Variants in CUBN observed in about 807,000 individuals in gnomAD.
CUBN encodes 460 kDa receptor.
Under a neutral mutation model 405.3 loss-of-function variants are expected in CUBN, and 282 were observed. That is an observed-to-expected ratio of 0.70 (90% confidence interval 0.63 to 0.77). The LOEUF is 0.77. Ranked by LOEUF, CUBN falls within the 30% of genes least tolerant of loss-of-function variation. The pLI, the probability that CUBN is intolerant of heterozygous loss-of-function variation, is 0.00. For synonymous variants in CUBN, 1,684 were observed against 1,617.0 expected (o/e 1.04, Z -0.99); for missense variants, 4,514 against 4,475.2 (o/e 1.01, Z -0.25).
At chr10:17,034,019 C>T (rs569033303) in intron 27 of CUBN, among the ~76,000 whole-genome samples, 3 of 152,120 alleles carry the variant, frequency 2.0e-5, no homozygotes, top group Non-Finnish European at 2.9e-5. Flanking sequence ...AAGGAGGATA[C>T]GGGAGTGCAA....
intron 2 of CUBN, among the ~76,000 whole-genome samples, chr10:17,128,173 C>T (rs1395937931): frequency 1.3e-5 from 2 of 152,172 alleles, no homozygotes; most frequent in African/African-American, 4.8e-5. Context: ...TCCTATAATA[C>T]CAGTTTAGGG....
chr10:16,970,573 T>A (rs1843522114), intron 31 of CUBN, among the ~76,000 whole-genome samples: 2 of 79,114 alleles, frequency 2.5e-5, no homozygotes, highest in Admixed American at 1.0e-4. Flanking sequence ...TGAAACTCCA[T>A]CTCAAAAAAA....
chr10:17,102,595 CTTTTTT>C (rs11357524), intron 13 of CUBN, among the ~76,000 whole-genome samples: 3 of 63,118 alleles, frequency 4.8e-5, no homozygotes, highest in Non-Finnish European at 9.0e-5. Context: ...CCTTGTTACT[CTTTTTT>C]TTTTTTTTTT....
intron 62 of CUBN, 143 bp downstream of exon 62, chr10:16,840,187 A>T: frequency 1.4e-6 from 1 of 702,952 alleles, no homozygotes; most frequent in Non-Finnish European, 2.5e-6. Flanking sequence ...ACAAACTTGC[A>T]CATTGTGCGC....
chr10:17,045,098 C>A lies in CUBN; in HGVS notation c.3581G>T (p.Trp1194Leu). The change falls in exon 25 of 67, where the codon TGG becomes TTG. Residue 1194 changes from tryptophan to leucine, a missense_variant. By Grantham distance (61) the Trp-to-Leu change is moderately conservative. Around this residue, in one of 5 missense-constraint regions of CUBN, gnomAD observed 242 missense variants for 309.0 expected, o/e 0.78. Coordinates refer to ENST00000377833, the MANE Select transcript of CUBN (RefSeq NM_001081.4). ...PYYHSSECYW[W>L]LKSSHGSAFE... ...TGCGCTGCCGTGGCTAGATTTCAAC[C>A]ACCAGTAGCATTCAGAGCTGTGGTA... 6.2e-7 allele frequency: 1 copy of A among 1,614,034 alleles called. No homozygotes were observed. The highest frequency in any genetic ancestry group is 8.5e-7 in the Non-Finnish European group (1 of 1,179,994).
At position 17,049,569 on chromosome 10, in the gene CUBN, T is replaced by C. The variant is rs185073338; in HGVS notation, c.3140-1966A>G. Among the ~76,000 whole-genome samples, 103 of 152,318 alleles carry C rather than the reference T, an allele frequency of 6.8e-4. 1 individual carries two copies. Among genetic ancestry groups the C allele is most frequent in the Non-Finnish European group, 1.3e-3 (86 of 68,030 alleles). On this transcript the variant is annotated intron_variant, in intron 22 of 66. Coordinates refer to ENST00000377833, the MANE Select transcript of CUBN (RefSeq NM_001081.4). ...ATGAATGTGATTATTCTGGAACAACTGGTGGGAGTCTGTTAATCTGTACTG... is the reference window on the plus strand; with the variant it reads ...ATGAATGTGATTATTCTGGAACAACCGGTGGGAGTCTGTTAATCTGTACTG...
At chr10:16,919,865 G>A in intron 44 of CUBN, 98 bp downstream of exon 44, 1 of 1,250,628 alleles carries the variant, frequency 8.0e-7, no homozygotes, top group South Asian at 1.3e-5. Context: ...AGATTTCCTT[G>A]CAGTATGTGC....
Position 17,103,226 on chromosome 10 carries a change from A to G in CUBN, c.1429T>C (p.Ser477Pro). The change falls in exon 13 of 67, where the codon TCC becomes CCC. Residue 477 changes from serine (S) to proline (P), a missense_variant. By Grantham distance (74) the Ser-to-Pro change is moderately conservative. This residue lies in a region of CUBN where 1,448 missense variants were observed against 1,388.0 expected (regional missense o/e 1.04). Transcript: ENST00000377833. Reference protein sequence around the residue: ...CQVPQQVCGESLSGINGSFSY... With the variant: ...CQVPQQVCGEPLSGINGSFSY... ...AAGCTTCCATTTATTCCTGAGAGGGACTCTCCACAAACTGCAAAGGAAAAG... is the reference window on the plus strand; with the variant it reads ...AAGCTTCCATTTATTCCTGAGAGGGGCTCTCCACAAACTGCAAAGGAAAAG... 1 of 1,607,780 alleles carries G rather than the reference A, an allele frequency of 6.2e-7. No individual in the cohort carries two copies. Among genetic ancestry groups the G allele is most frequent in the East Asian group, 2.2e-5 (1 of 44,816 alleles).
chr10:16,887,199 G>T (rs1840846347), intron 56 of CUBN, among the ~76,000 whole-genome samples: 1 of 152,126 alleles, frequency 6.6e-6, no homozygotes, highest in Non-Finnish European at 1.5e-5. Flanking sequence ...CATGAATGTG[G>T]GTGTGTGTGT....
At chr10:17,126,926 T>G in intron 3 of CUBN, 127 bp from the exon 4 acceptor site, 1 of 920,244 alleles carries the variant, frequency 1.1e-6, no homozygotes, top group Non-Finnish European at 1.7e-6. Flanking sequence ...CTCCTTTTAT[T>G]CCCTTTTTCC....
At position 16,890,515 on chromosome 10, in the gene CUBN, T is replaced by C; in HGVS notation, c.8611A>G (p.Thr2871Ala). The C allele has an allele frequency of 6.2e-7, 1 of 1,614,182 alleles. No homozygotes were observed. Reference sequence around the variant, plus strand: ...AGCAGGGCTTTGTCCACCTCCTCAGTTCCTGCCCACACCTAGCACGGACAT... The same window carrying C: ...AGCAGGGCTTTGTCCACCTCCTCAGCTCCTGCCCACACCTAGCACGGACAT... ...QNSFVKVWAG[T>A]EEVDKALLAT... The change falls in exon 55 of 67, where the codon ACT becomes GCT. Residue 2871 changes from threonine to alanine, a missense_variant. Thr to Ala is a moderately conservative substitution (Grantham distance 58). Around this residue, in one of 5 missense-constraint regions of CUBN, gnomAD observed 1,186 missense variants for 1,186.9 expected, o/e 1.00. Transcript: ENST00000377833.
At chr10:16,953,115 T>G (rs953864303) in intron 32 of CUBN, among the ~76,000 whole-genome samples, 7 of 152,160 alleles carry the variant, frequency 4.6e-5, no homozygotes, top group Non-Finnish European at 8.8e-5. Flanking sequence ...GGACAGACAT[T>G]GAGCATTCCA....
chr10:17,100,100 A>C lies in CUBN; in HGVS notation c.1670T>G (p.Leu557Arg). 1 of 1,613,912 alleles carries C rather than the reference A, an allele frequency of 6.2e-7. No individual in the cohort carries two copies. Among genetic ancestry groups the C allele is most frequent in the East Asian group, 2.2e-5 (1 of 44,858 alleles). The change falls in exon 14 of 67, where the codon CTC (leucine) becomes CGC (arginine). Residue 557 changes from leucine to arginine, a missense_variant. Leu to Arg is a moderately radical substitution (Grantham distance 102). This residue lies in a region of CUBN where 1,448 missense variants were observed against 1,388.0 expected (regional missense o/e 1.04). Coordinates refer to ENST00000377833, the MANE Select transcript of CUBN (RefSeq NM_001081.4). ...ATAGAGAGCATTGTCACTGCTGAGG[A>C]GTTCATGAGGGAGGCTGGAGCCACA... ...RFCGSSLPHELLSSDNALYFH... is the reference protein window; with the variant it reads ...RFCGSSLPHERLSSDNALYFH...
In CUBN at chr10:16,913,790, C is replaced by G. The variant is rs371114435; in HGVS notation, c.7533+21G>C. 9 of 1,612,332 alleles carry G rather than the reference C, an allele frequency of 5.6e-6. No homozygotes were observed. In the African/African-American group the frequency reaches 1.2e-4, roughly 22 times the overall value. The stretch of plus-strand genomic sequence containing the variant: ...CTTTAAATGATGGAATATAACATCT[C>G]AGGCGGCAGGGAACACTTACTATCA... On this transcript the variant is annotated intron_variant, in intron 48 of 66. Coordinates refer to ENST00000377833, the MANE Select transcript of CUBN (RefSeq NM_001081.4).
At chr10:16,967,880 A>C (rs1319325150) in intron 31 of CUBN, among the ~76,000 whole-genome samples, 1 of 150,718 alleles carries the variant, frequency 6.6e-6, no homozygotes, top group East Asian at 2.0e-4. Flanking sequence ...AGGGAGAGAG[A>C]GAGAAGGAGA....
intron 7 of CUBN, 133 bp from the exon 8 acceptor site, chr10:17,114,322 T>C: frequency 2.3e-6 from 2 of 872,496 alleles, no homozygotes; most frequent in Admixed American, 2.0e-5. Context: ...CTGGCTTCTC[T>C]TTTTCTTCCC....
intron 27 of CUBN, among the ~76,000 whole-genome samples, chr10:17,036,424 ACT>A (rs1249295985): frequency 6.6e-6 from 1 of 151,902 alleles, no homozygotes; most frequent in Non-Finnish European, 1.5e-5. Flanking sequence ...AATCTGCCTC[ACT>A]CTCTTGGCTT....
intron 34 of CUBN, among the ~76,000 whole-genome samples, chr10:16,949,544 C>T (rs1169006590): frequency 6.6e-6 from 1 of 151,024 alleles, no homozygotes; most frequent in African/African-American, 2.4e-5. Flanking sequence ...ATTGGGATGT[C>T]TAACAAACAA....
intron 31 of CUBN, among the ~76,000 whole-genome samples, chr10:16,963,211 T>C (rs1356887480): frequency 1.5e-5 from 2 of 132,810 alleles, no homozygotes; most frequent in African/African-American, 2.7e-5. Context: ...TTTTTTTTTT[T>C]TGAGACAGAG....
Sources: allele counts gnomAD v4.1 joint callset (sites outside exome capture counted in the v4.1 genomes callset), GRCh38; gene constraint gnomAD v4.1.1; regional missense constraint gnomAD v4.1.1; transcripts MANE v1.5; gene names NCBI Gene and HGNC (gene_info 2026-07-23, HGNC 2026-07-21).